Variants in EYS observed in about 807,000 individuals in gnomAD.
EYS encodes the protein EGF-like photoreceptor maintenance factor.
A neutral mutation model predicts 282.1 loss-of-function variants in EYS; 250 were observed. The ratio of observed to expected loss-of-function variants is 0.89; its 90% CI spans 0.80 to 0.98. The LOEUF (loss-of-function observed/expected upper bound fraction) is 0.98. Among genes scored for constraint, EYS ranks in the 50% least tolerant of loss-of-function variants. The pLI is 0.00. For synonymous variants in EYS, 1,355 were observed against 1,282.9 expected (o/e 1.06, Z -1.20); for missense variants, 4,016 against 3,709.0 (o/e 1.08, Z -2.15).
At chr6:65,013,674 G>A (rs1771952126) in intron 13 of EYS, among the ~76,000 whole-genome samples, 1 of 152,112 alleles carries the variant, frequency 6.6e-6, no homozygotes. Context: ...CCAGAAGTTT[G>A]AGACTAGTTT....
At chr6:64,695,587 CT>C (rs70999162) in intron 22 of EYS, among the ~76,000 whole-genome samples, 2,782 of 141,846 alleles carry the variant, frequency 0.02, 76 homozygotes, top group African/African-American at 0.066. Flanking sequence ...TTTCTTTTAA[CT>C]TTTTTTTTTT....
intron 5 of EYS, among the ~76,000 whole-genome samples, chr6:65,431,042 G>A (rs1265813725): frequency 6.6e-6 from 1 of 152,150 alleles, no homozygotes; most frequent in African/African-American, 2.4e-5. Flanking sequence ...CTTTAGATAC[G>A]AGTACTGCCA....
intron 22 of EYS, chr6:64,733,211 C>T (rs1351305115): frequency 6.6e-6 from 1 of 152,498 alleles, no homozygotes; most frequent in East Asian, 1.9e-4. Flanking sequence ...TTCCCAACTG[C>T]TCCTGCAAGT....
chr6:63,878,040 G>C (rs1156498863), intron 35 of EYS, among the ~76,000 whole-genome samples: 3 of 152,198 alleles, frequency 2.0e-5, no homozygotes, highest in Non-Finnish European at 4.4e-5. Flanking sequence ...TCCTTTGGAG[G>C]AGAAGAGGCA....
At chr6:65,159,457 A>G (rs1398729842) in intron 12 of EYS, among the ~76,000 whole-genome samples, 1 of 150,858 alleles carries the variant, frequency 6.6e-6, no homozygotes, top group Non-Finnish European at 1.5e-5. Flanking sequence ...ATTGTCTTTT[A>G]TATGGGTCAG....
At chr6:65,465,455 T>G (rs901703468) in intron 5 of EYS, among the ~76,000 whole-genome samples, 1 of 151,418 alleles carries the variant, frequency 6.6e-6, no homozygotes, top group Non-Finnish European at 1.5e-5. Flanking sequence ...CCAGCCTGGG[T>G]GACAGAGTGA....
At chr6:63,777,923 T>G (rs1770105741) in intron 40 of EYS, 83 bp downstream of exon 40, 2 of 1,256,170 alleles carry the variant, frequency 1.6e-6, no homozygotes, top group Non-Finnish European at 2.3e-6. Context: ...TGTTCCTAGT[T>G]TGTACAAGTG....
chr6:64,281,626 T>C (rs1422397830), intron 30 of EYS, among the ~76,000 whole-genome samples: 1 of 152,130 alleles, frequency 6.6e-6, no homozygotes. Flanking sequence ...CAGGTGACTT[T>C]CAATGGCTGA....
intron 28 of EYS, among the ~76,000 whole-genome samples, chr6:64,396,267 G>A (rs1417308854): frequency 6.6e-6 from 1 of 152,114 alleles, no homozygotes. Context: ...TGCTGCTATA[G>A]ACATGCTTGT....
At chr6:65,616,694 G>A (rs1766210011) in intron 2 of EYS, among the ~76,000 whole-genome samples, 1 of 151,852 alleles carries the variant, frequency 6.6e-6, no homozygotes, top group Admixed American at 6.6e-5. Context: ...GCTGAGGCAG[G>A]AGAATAGCTT....
chr6:65,090,495 C>T (rs1273753065), intron 12 of EYS, among the ~76,000 whole-genome samples: 2 of 152,084 alleles, frequency 1.3e-5, no homozygotes, highest in Non-Finnish European at 2.9e-5. Context: ...TCACCAAATA[C>T]AGTAAGGTCT....
intron 13 of EYS, among the ~76,000 whole-genome samples, chr6:64,999,777 C>A (rs1247146680): frequency 2.6e-5 from 4 of 152,166 alleles, no homozygotes; most frequent in Non-Finnish European, 4.4e-5. Context: ...CAAGCGCCGG[C>A]ACGCTGGAGC....
intron 35 of EYS, among the ~76,000 whole-genome samples, chr6:63,894,368 A>T (rs1316609105): frequency 6.6e-6 from 1 of 152,140 alleles, no homozygotes; most frequent in Non-Finnish European, 1.5e-5. Context: ...ACATACAGAG[A>T]CGTCCATGTG....
Position 65,688,180 on chromosome 6 carries a change from C to G in EYS, c.-448+18955G>C, listed in dbSNP as rs534678132. ...AGGCATCACACTACCTGACTTCAAA[C>G]TATACTACAAGGCTACAGTAACCAA... On this transcript the variant is annotated intron_variant, in intron 1 of 42. Transcript: ENST00000503581. Among the ~76,000 whole-genome samples the G allele has an allele frequency of 2.0e-5, 3 of 152,238 alleles. No individual in the cohort carries two copies. The South Asian group carries it at 6.2e-4, about 32-fold the overall frequency.
intron 8 of EYS, among the ~76,000 whole-genome samples, chr6:65,369,286 TTA>T (rs1277837063): frequency 2.0e-4 from 27 of 134,416 alleles, no homozygotes; most frequent in African/African-American, 2.6e-4. Context: ...TTTATATATA[TTA>T]TATATATATT....
chr6:64,306,143 G>C (rs749054391), intron 30 of EYS, among the ~76,000 whole-genome samples: 4 of 151,856 alleles, frequency 2.6e-5, no homozygotes, highest in Non-Finnish European at 5.9e-5. Flanking sequence ...CAATAATTAG[G>C]GAAATGCAAA....
At position 64,155,144 on chromosome 6, in the gene EYS, C is replaced by T. The variant is rs144535724; in HGVS notation, c.6425-73142G>A. Reference sequence around the variant, plus strand: ...GTCTGTGAAGGATAAACTTAACCTGCTTTACAATTTTGCCTTGGGCTAGCC... The same window carrying T: ...GTCTGTGAAGGATAAACTTAACCTGTTTTACAATTTTGCCTTGGGCTAGCC... On this transcript the variant is annotated intron_variant, in intron 31 of 42. Coordinates refer to ENST00000503581, the MANE Select transcript of EYS (RefSeq NM_001142800.2). Among the ~76,000 whole-genome samples the T allele has an allele frequency of 4.6e-3, 700 of 152,160 alleles. 5 individuals carry two copies. The highest frequency in any genetic ancestry group is 0.016 in the African/African-American group (669 of 41,512).
chr6:65,265,762 G>T (rs571074673), intron 12 of EYS, among the ~76,000 whole-genome samples: 55 of 152,038 alleles, frequency 3.6e-4, no homozygotes, highest in African/African-American at 1.3e-3. Context: ...GTAAGGATAT[G>T]TGGGAAGAAC....
intron 22 of EYS, among the ~76,000 whole-genome samples, chr6:64,643,785 C>T (rs539367883): frequency 6.6e-6 from 1 of 152,350 alleles, no homozygotes; most frequent in African/African-American, 2.4e-5. Flanking sequence ...TCTTTGCCTG[C>T]TGCCATCCAC....
Sources: gnomAD v4.1 joint callset for allele counts (sites outside exome capture counted in the v4.1 genomes callset) on GRCh38, gnomAD v4.1.1 for gene constraint, MANE v1.5 for transcripts, NCBI Gene and HGNC (gene_info 2026-07-23, HGNC 2026-07-21) for gene names.